LTBP1: variants seen among roughly 807,000 people sequenced by gnomAD.
The protein encoded by LTBP1 is latent transforming growth factor beta binding protein 1.
In LTBP1, 129 loss-of-function variants were observed where a neutral mutation model predicts 207.6. That is an observed-to-expected ratio of 0.62 (90% confidence interval 0.54 to 0.72). The LOEUF (loss-of-function observed/expected upper bound fraction) is 0.72. Ranked by LOEUF, LTBP1 falls within the 30% of genes least tolerant of loss-of-function variation. LTBP1 has a pLI of 0.00. For missense variants in LTBP1, 2,281 were observed against 2,217.2 expected (o/e 1.03, Z -0.58); for synonymous variants, 963 against 833.7 (o/e 1.16, Z -2.67).
At chr2:32,949,608 A>G (rs992997310) in intron 2 of LTBP1, among the ~76,000 whole-genome samples, 2 of 152,254 alleles carry the variant, frequency 1.3e-5, no homozygotes, top group East Asian at 3.8e-4. Context: ...ATTAAAGATC[A>G]GATTAAAATG....
intron 7 of LTBP1, among the ~76,000 whole-genome samples, chr2:33,207,393 G>C (rs1474181707): frequency 1.3e-5 from 2 of 152,074 alleles, no homozygotes; most frequent in East Asian, 3.8e-4. Context: ...AGTCACAGTA[G>C]ATACTTTGTA....
intron 20 of LTBP1, 128 bp from the exon 21 acceptor site, chr2:33,300,323 A>C: frequency 1.3e-6 from 1 of 799,050 alleles, no homozygotes; most frequent in Non-Finnish European, 2.0e-6. Context: ...TAAATACTAA[A>C]GTGTGTAGTG....
intron 5 of LTBP1, among the ~76,000 whole-genome samples, chr2:33,151,610 C>G (rs1444616592): frequency 6.6e-5 from 10 of 152,164 alleles, no homozygotes. Context: ...CATCCCTTGC[C>G]CCACTCCCAC....
Position 33,252,744 on chromosome 2 carries a change from T to C in LTBP1, c.2067T>C (p.Cys689=). The C allele has an allele frequency of 6.2e-7, 1 of 1,613,962 alleles. No homozygotes were observed. ...GACTTGTCAGTTCTGGAAGACAGTGTATGCACCCTCTGTCTGTTCACCTCA... is the reference window on the plus strand; with the variant it reads ...GACTTGTCAGTTCTGGAAGACAGTGCATGCACCCTCTGTCTGTTCACCTCA... ...CYRLVSSGRQ[C]MHPLSVHLTK... Residue 689 remains cysteine (C), a synonymous_variant, in exon 11 of 34, where the codon TGT becomes TGC. Coordinates refer to ENST00000404816, the MANE Select transcript of LTBP1 (RefSeq NM_206943.4).
chr2:33,073,129 T>A (rs2149769726), intron 3 of LTBP1, among the ~76,000 whole-genome samples: 1 of 152,270 alleles, frequency 6.6e-6, no homozygotes, highest in African/African-American at 2.4e-5. Context: ...ATGTATAACC[T>A]GATTGCATGG....
intron 2 of LTBP1, among the ~76,000 whole-genome samples, chr2:32,997,003 G>C (rs1685389051): frequency 6.6e-6 from 1 of 152,128 alleles, no homozygotes; most frequent in Non-Finnish European, 1.5e-5. Context: ...TCATGCCTCA[G>C]CCTCCCGAGT....
At chr2:33,305,890 A>G (rs533221213) in intron 22 of LTBP1, among the ~76,000 whole-genome samples, 1 of 152,320 alleles carries the variant, frequency 6.6e-6, no homozygotes, top group East Asian at 1.9e-4. Flanking sequence ...AGAAGAACCA[A>G]AAGTTAACCA....
At chr2:33,251,664 CAAAAAAAAAA>C (rs537403994) in intron 10 of LTBP1, among the ~76,000 whole-genome samples, 2 of 65,846 alleles carry the variant, frequency 3.0e-5, no homozygotes, top group East Asian at 5.4e-4. Context: ...GACTCAGTCT[CAAAAAAAAAA>C]AAAAAAAAAA....
intron 31 of LTBP1, among the ~76,000 whole-genome samples, chr2:33,368,466 G>A (rs1188897404): frequency 2.0e-5 from 3 of 152,210 alleles, no homozygotes; most frequent in Admixed American, 6.5e-5. Context: ...ATTCCCTTTG[G>A]GTAGGTACCC....
chr2:33,319,542 T>C (rs1242306657), intron 24 of LTBP1, among the ~76,000 whole-genome samples: 2 of 152,140 alleles, frequency 1.3e-5, no homozygotes, highest in Non-Finnish European at 2.9e-5. Flanking sequence ...TCTGTCCCCA[T>C]GGCCCATGGG....
At chr2:33,352,288 C>A (rs1441847323) in intron 26 of LTBP1, among the ~76,000 whole-genome samples, 2 of 152,096 alleles carry the variant, frequency 1.3e-5, no homozygotes, top group Non-Finnish European at 2.9e-5. Flanking sequence ...CATACCACCA[C>A]GCCCGGCTAA....
intron 31 of LTBP1, among the ~76,000 whole-genome samples, chr2:33,381,150 A>G (rs978973755): frequency 6.6e-6 from 1 of 152,120 alleles, no homozygotes; most frequent in African/African-American, 2.4e-5. Context: ...TTTCCTATGA[A>G]ATTGCTTGGA....
intron 3 of LTBP1, among the ~76,000 whole-genome samples, chr2:33,065,647 T>C (rs1384626884): frequency 6.6e-6 from 1 of 152,186 alleles, no homozygotes; most frequent in African/African-American, 2.4e-5. Context: ...TTTTAAAGAA[T>C]TTTTCCATAT....
intron 24 of LTBP1, among the ~76,000 whole-genome samples, chr2:33,337,576 A>T (rs537392312): frequency 6.6e-6 from 1 of 152,356 alleles, no homozygotes; most frequent in African/African-American, 2.4e-5. Context: ...TTGCGTGATG[A>T]ATCAGCAACT....
At position 33,360,599 on chromosome 2, in the gene LTBP1, T is replaced by TTAGATG. The variant is rs748044894; in HGVS notation, c.4015_4020dup (p.Val1339_Asp1340dup). 1.2e-6 allele frequency: 2 copies of TTAGATG among 1,608,238 alleles called. No homozygotes were observed. The highest frequency in any genetic ancestry group is 1.7e-6 in the Non-Finnish European group (2 of 1,174,680). On this transcript the variant is annotated inframe_insertion, in exon 27 of 34. Transcript: ENST00000404816. The stretch of plus-strand genomic sequence containing the variant: ...TCTACTTTCTCTACTCCATTTAGAT[T>TTAGATG]TAGATGTAGATGTAGATCAACCCAA...
chr2:32,954,619 A>G (rs1221114559), intron 2 of LTBP1, among the ~76,000 whole-genome samples: 1 of 142,370 alleles, frequency 7.0e-6, no homozygotes, highest in Non-Finnish European at 1.5e-5. Flanking sequence ...CAGTGGTCAC[A>G]TTCTGAGGTA....
At chr2:33,133,459 A>G (rs1013750756) in intron 4 of LTBP1, among the ~76,000 whole-genome samples, 5 of 152,084 alleles carry the variant, frequency 3.3e-5, no homozygotes, top group African/African-American at 4.8e-5. Context: ...TACTGCTACC[A>G]TCTTTGCTTT....
chr2:32,948,812 A>T (rs540881867), intron 1 of LTBP1, 63 bp from the exon 2 acceptor site: 2 of 1,460,656 alleles, frequency 1.4e-6, no homozygotes, highest in Non-Finnish European at 1.9e-6. Flanking sequence ...ACATGCTGGA[A>T]GCTTGGGTTC....
At chr2:33,035,152 T>G (rs2075861617) in intron 3 of LTBP1, among the ~76,000 whole-genome samples, 1 of 152,378 alleles carries the variant, frequency 6.6e-6, no homozygotes, top group Middle Eastern at 3.4e-3. Context: ...CTTGTGATTT[T>G]AGCAACACGT....
Sources: allele counts gnomAD v4.1 joint callset (sites outside exome capture counted in the v4.1 genomes callset), GRCh38; gene constraint gnomAD v4.1.1; transcripts MANE v1.5; gene names NCBI Gene and HGNC (gene_info 2026-07-23, HGNC 2026-07-21).